Variants in CCDC149 observed in about 807,000 individuals in gnomAD.
The protein encoded by CCDC149 is coiled-coil domain containing 149.
In CCDC149, 45 loss-of-function variants were observed where a neutral mutation model predicts 59.9. The ratio of observed to expected loss-of-function variants is 0.75; its 90% CI spans 0.59 to 0.96. CCDC149 has a LOEUF of 0.96. Ranked by LOEUF, CCDC149 falls within the 40% of genes least tolerant of loss-of-function variation. The pLI, the probability that CCDC149 is intolerant of heterozygous loss-of-function variation, is 0.00. For synonymous variants in CCDC149, 245 were observed against 260.6 expected (o/e 0.94, Z 0.58); for missense variants, 584 against 664.7 (o/e 0.88, Z 1.33).
rs770537338 is a variant in CCDC149 at position 24,806,200 on chromosome 4, G to C, written c.*2189C>G. On this transcript the variant is annotated 3_prime_UTR_variant, in exon 13 of 13. Coordinates refer to ENST00000635206, the MANE Select transcript of CCDC149 (RefSeq NM_001330643.2). ...AGCAGGGGCAGGACACACGTGTCGC[G>C]TATCTATGGGGTGTTATCAGGGTTA... 6.6e-6 allele frequency: 1 copy of C among 152,170 alleles called. No homozygotes were observed. The highest frequency in any genetic ancestry group is 2.1e-4 in the South Asian group (1 of 4,826). The allele number at this position is 152,170 out of a possible 1,614,324, so 9.4% of individuals were successfully genotyped here.
intron 1 of CCDC149, among the ~76,000 whole-genome samples, chr4:24,944,980 C>T (rs1577498844): frequency 6.6e-6 from 1 of 152,158 alleles, no homozygotes; most frequent in Non-Finnish European, 1.5e-5. Flanking sequence ...TGGAAAAATA[C>T]CTGCATGTTT....
At position 24,834,964 on chromosome 4, in the gene CCDC149, G is replaced by A. The variant is rs1560208392; in HGVS notation, c.804C>T (p.Val268=). Reference sequence around the variant, plus strand: ...ATATCCTACCTTGCTTTGCAGACAGGACTCCTGTCAGAGCACTGCTGCTGG... The same window carrying A: ...ATATCCTACCTTGCTTTGCAGACAGAACTCCTGTCAGAGCACTGCTGCTGG... The change falls in exon 8 of 13, where the codon GTC becomes GTT. Residue 268 remains valine, a synonymous_variant. Coordinates refer to ENST00000635206, the MANE Select transcript of CCDC149 (RefSeq NM_001330643.2). The A allele has an allele frequency of 6.2e-7, 1 of 1,613,478 alleles. No individual in the cohort carries two copies. The highest frequency in any genetic ancestry group is 8.5e-7 in the Non-Finnish European group (1 of 1,179,644).
chr4:24,919,546 T>C (rs539475602), intron 1 of CCDC149, among the ~76,000 whole-genome samples: 2 of 152,272 alleles, frequency 1.3e-5, no homozygotes, highest in African/African-American at 4.8e-5. Context: ...CAGGTCTATT[T>C]GGAAAGCTCT....
chr4:24,943,767 C>G (rs1182821925), intron 1 of CCDC149, among the ~76,000 whole-genome samples: 1 of 152,200 alleles, frequency 6.6e-6, no homozygotes, highest in African/African-American at 2.4e-5. Context: ...TGAACAGACA[C>G]TTCTCAAAAG....
intron 1 of CCDC149, among the ~76,000 whole-genome samples, chr4:24,886,540 A>G (rs566356130): frequency 1.2e-4 from 18 of 152,364 alleles, no homozygotes; most frequent in Non-Finnish European, 1.9e-4. Context: ...CTATTGAGAA[A>G]AAGAAATGAA....
intron 1 of CCDC149, among the ~76,000 whole-genome samples, chr4:24,974,207 A>G (rs1039822986): frequency 1.3e-5 from 2 of 152,052 alleles, no homozygotes; most frequent in African/African-American, 4.8e-5. Flanking sequence ...TTCCCCACCA[A>G]TCAGCCATCT....
intron 12 of CCDC149, among the ~76,000 whole-genome samples, chr4:24,813,529 A>ATAT (rs1560197755): frequency 2.7e-4 from 30 of 110,430 alleles, no homozygotes; most frequent in African/African-American, 1.1e-3. Context: ...TATATATATA[A>ATAT]AACCTAAAAA....
At chr4:24,876,292 TACACACACACACACACACACACACACAC>T (rs61406129) in intron 2 of CCDC149, among the ~76,000 whole-genome samples, 3 of 124,732 alleles carry the variant, frequency 2.4e-5, no homozygotes, top group Admixed American at 7.9e-5. Flanking sequence ...CATACACACG[TACACACACACACACACACACACACACAC>T]ACACACACAC....
intron 1 of CCDC149, among the ~76,000 whole-genome samples, chr4:24,951,239 C>T (rs1212314940): frequency 6.6e-6 from 1 of 152,250 alleles, no homozygotes; most frequent in Non-Finnish European, 1.5e-5. Flanking sequence ...AAGGAGCCTT[C>T]AGGGCAAGCT....
intron 3 of CCDC149, among the ~76,000 whole-genome samples, chr4:24,853,503 G>C (rs542601538): frequency 9.3e-5 from 14 of 151,280 alleles, no homozygotes; most frequent in African/African-American, 2.2e-4. Flanking sequence ...CAGGAGAATT[G>C]CTTGAGCCCG....
chr4:24,828,776 G>A (rs800458), intron 9 of CCDC149: 129,559 of 152,258 alleles, frequency 0.85, 55,233 homozygotes, highest in South Asian at 0.88. Flanking sequence ...GCAAGACCCC[G>A]TCAAAACAAA....
At chr4:24,868,153 T>A (rs2109225225) in intron 3 of CCDC149, among the ~76,000 whole-genome samples, 1 of 152,320 alleles carries the variant, frequency 6.6e-6, no homozygotes, top group East Asian at 1.9e-4. Flanking sequence ...ATCCCCTTCC[T>A]GCTGGTGACG....
chr4:24,825,467 G>A (rs1715666429), intron 9 of CCDC149, among the ~76,000 whole-genome samples: 1 of 152,082 alleles, frequency 6.6e-6, no homozygotes, highest in Non-Finnish European at 1.5e-5. Flanking sequence ...GAGGGGCCAG[G>A]CAAAAACACA....
At chr4:24,820,911 T>C (rs1428694464) in intron 11 of CCDC149, 144 bp downstream of exon 11, 10 of 441,686 alleles carry the variant, frequency 2.3e-5, no homozygotes, top group Non-Finnish European at 3.7e-5. Context: ...TTTGTACTAA[T>C]TGAATTCTCT....
intron 1 of CCDC149, among the ~76,000 whole-genome samples, chr4:24,921,383 C>A (rs1246400918): frequency 6.6e-6 from 1 of 152,158 alleles, no homozygotes; most frequent in African/African-American, 2.4e-5. Context: ...TTGAATGAAC[C>A]CTATATGTAC....
At chr4:24,979,676 T>G (rs1724383450) in intron 1 of CCDC149, among the ~76,000 whole-genome samples, 1 of 152,222 alleles carries the variant, frequency 6.6e-6, no homozygotes, top group African/African-American at 2.4e-5. Flanking sequence ...GTAAGTCATG[T>G]CATCATTTCC....
intron 1 of CCDC149, among the ~76,000 whole-genome samples, chr4:24,908,875 G>C (rs1721705725): frequency 6.6e-6 from 1 of 152,244 alleles, no homozygotes; most frequent in African/African-American, 2.4e-5. Context: ...GTTTATCATA[G>C]AGTGGTGGGC....
intron 4 of CCDC149, among the ~76,000 whole-genome samples, chr4:24,845,073 G>A (rs116578546): frequency 0.017 from 2,515 of 152,292 alleles, 59 homozygotes; most frequent in African/African-American, 0.055. Flanking sequence ...TCTATGCTGC[G>A]TTGCCTCTCT....
intron 1 of CCDC149, among the ~76,000 whole-genome samples, chr4:24,956,220 AACACAAACT>A (rs60753122): frequency 0.75 from 113,578 of 150,756 alleles, 43,011 homozygotes; most frequent in African/African-American, 0.79. Context: ...AAACCTAGTT[AACACAAACT>A]ACACAAACTA....
Sources: gnomAD v4.1 joint callset for allele counts (sites outside exome capture counted in the v4.1 genomes callset) on GRCh38, gnomAD v4.1.1 for gene constraint, MANE v1.5 for transcripts, NCBI Gene and HGNC (gene_info 2026-07-23, HGNC 2026-07-21) for gene names.